Variants in CADM1 observed in about 807,000 individuals in gnomAD.
CADM1 encodes the protein TSLC-1.
Under a neutral mutation model 53.1 loss-of-function variants are expected in CADM1, and 15 were observed. The observed-to-expected ratio is 0.28, with a 90% CI of 0.19 to 0.44. The LOEUF (loss-of-function observed/expected upper bound fraction) is 0.44, where lower values mean the gene tolerates loss of function less well. Among genes scored for constraint, CADM1 ranks in the 20% least tolerant of loss-of-function variants. The probability of loss-of-function intolerance (pLI) is 1.00; values close to 1 mark genes in which losing one functional copy is unlikely to be tolerated. For missense variants in CADM1, 434 were observed against 611.3 expected, an observed-to-expected ratio of 0.71 and a Z score of 3.06; for synonymous variants, 281 against 243.0, an observed-to-expected ratio of 1.16 and a Z score of -1.45.
chr11:115,489,495 G>A (rs1169547657), intron 1 of CADM1, among the ~76,000 whole-genome samples: 1 of 152,214 alleles, frequency 6.6e-6, no homozygotes, highest in Non-Finnish European at 1.5e-5. Context: ...TCATGAAATG[G>A]TTAGAGAAGT....
At chr11:115,474,290 CAAAAAAAA>C (rs60168853) in intron 1 of CADM1, among the ~76,000 whole-genome samples, 1 of 20,212 alleles carries the variant, frequency 4.9e-5, no homozygotes, top group Non-Finnish European at 9.4e-5. Context: ...GACTCCATCT[CAAAAAAAA>C]AAAAAAAAAA....
intron 8 of CADM1, among the ~76,000 whole-genome samples, chr11:115,206,910 A>G (rs1420635681): frequency 1.3e-5 from 2 of 151,600 alleles, no homozygotes; most frequent in African/African-American, 4.8e-5. Flanking sequence ...TTAGCTATCC[A>G]TTTGTCAGGA....
chr11:115,395,276 T>C (rs544275546), intron 1 of CADM1, among the ~76,000 whole-genome samples: 44 of 152,288 alleles, frequency 2.9e-4, no homozygotes, highest in African/African-American at 1.0e-3. Flanking sequence ...CAAATTCTTC[T>C]ACCTTCTTTC....
intron 1 of CADM1, among the ~76,000 whole-genome samples, chr11:115,341,528 T>G (rs933638045): frequency 3.3e-5 from 5 of 152,212 alleles, no homozygotes; most frequent in African/African-American, 7.2e-5. Flanking sequence ...ATTCTTTGTT[T>G]TGCAATTTTC....
At chr11:115,485,299 C>G (rs372910804) in intron 1 of CADM1, among the ~76,000 whole-genome samples, 1 of 152,166 alleles carries the variant, frequency 6.6e-6, no homozygotes. Context: ...TCTGCAGCAC[C>G]CCTTAAGGAT....
intron 1 of CADM1, among the ~76,000 whole-genome samples, chr11:115,251,807 G>A (rs1027638367): frequency 2.0e-5 from 3 of 152,290 alleles, no homozygotes; most frequent in East Asian, 1.9e-4. Flanking sequence ...CTGGGAAGAC[G>A]TATAATAGAG....
At chr11:115,208,371 CTCTT>C (rs1940796487) in intron 8 of CADM1, among the ~76,000 whole-genome samples, 1 of 152,176 alleles carries the variant, frequency 6.6e-6, no homozygotes, top group Non-Finnish European at 1.5e-5. Context: ...ATGAGGCCTC[CTCTT>C]TCTTTGAACA....
chr11:115,371,284 A>T (rs1293612487), intron 1 of CADM1, among the ~76,000 whole-genome samples: 3 of 152,212 alleles, frequency 2.0e-5, no homozygotes, highest in African/African-American at 7.2e-5. Flanking sequence ...GACAAAAGTA[A>T]CAGAAAGGCT....
chr11:115,394,920 A>G (rs948223255), intron 1 of CADM1, among the ~76,000 whole-genome samples: 1 of 152,196 alleles, frequency 6.6e-6, no homozygotes, highest in Admixed American at 6.5e-5. Context: ...AAAGAAAGGG[A>G]AAAATTCGTG....
At position 115,178,760 on chromosome 11, in the gene CADM1, T is replaced by C; in HGVS notation, c.1181A>G (p.Glu394Gly). The change falls in exon 11 of 12, where the codon GAA (glutamate) becomes GGA (glycine). Residue 394 changes from glutamate (E) to glycine (G), a missense_variant. By Grantham distance (98) the Glu-to-Gly change is moderately conservative. Transcript: ENST00000331581. ...ATCCACTGCCCTGATCGAGCCTTCT[T>C]CACCTGCTCGGGAATCTGTTAAAAT... is the stretch of plus-strand genomic sequence containing the variant. ...SEDLSDSRAGEEGSIRAVDHA... is the reference protein window; with the variant it reads ...SEDLSDSRAGGEGSIRAVDHA... 1.9e-6 allele frequency: 3 copies of C among 1,614,014 alleles called. No individual in the cohort carries two copies. In the South Asian group the frequency reaches 3.3e-5, roughly 18 times the overall value.
At chr11:115,432,670 C>G (rs757146499) in intron 1 of CADM1, among the ~76,000 whole-genome samples, 4 of 152,188 alleles carry the variant, frequency 2.6e-5, no homozygotes, top group Non-Finnish European at 5.9e-5. Flanking sequence ...AAACTTCCTG[C>G]ACGGTTGTTA....
At chr11:115,187,085 T>C (rs1453194909) in intron 10 of CADM1, among the ~76,000 whole-genome samples, 1 of 152,208 alleles carries the variant, frequency 6.6e-6, no homozygotes, top group East Asian at 1.9e-4. Flanking sequence ...ATGATACAGA[T>C]ACAAGCCATA....
intron 1 of CADM1, among the ~76,000 whole-genome samples, chr11:115,486,853 A>T (rs1235344155): frequency 6.9e-6 from 1 of 145,958 alleles, no homozygotes; most frequent in African/African-American, 2.5e-5. Context: ...TTTAAATGGA[A>T]AGCCTTCTAG....
intron 1 of CADM1, among the ~76,000 whole-genome samples, chr11:115,472,828 TG>T (rs1949045570): frequency 6.6e-6 from 1 of 152,168 alleles, no homozygotes; most frequent in African/African-American, 2.4e-5. Flanking sequence ...TATTATACCT[TG>T]TTAAAGATAT....
chr11:115,243,123 A>G (rs1942298356), intron 1 of CADM1, among the ~76,000 whole-genome samples: 1 of 152,210 alleles, frequency 6.6e-6, no homozygotes, highest in Non-Finnish European at 1.5e-5. Context: ...ATAAGGCCAG[A>G]CTATTTTAAT....
intron 1 of CADM1, among the ~76,000 whole-genome samples, chr11:115,336,608 T>A (rs751976946): frequency 6.6e-6 from 1 of 152,102 alleles, no homozygotes; most frequent in Non-Finnish European, 1.5e-5. Context: ...CTGAAAAAAA[T>A]TTAATTAATC....
Position 115,284,114 on chromosome 11 carries a change from C to CTCTCTCTCTCTCTCTGTGTG in CADM1, c.125-43695_125-43694insCACACAGAGAGAGAGAGAGA, listed in dbSNP as rs1351842329. On this transcript the variant is annotated intron_variant, in intron 1 of 11. Transcript: ENST00000331581. ...TCTCTCTCTCTCTCTCTCTCTCTCT[C>CTCTCTCTCTCTCTCTGTGTG]TGTGTGTGTGTGTGTGTGTGTGTGT... Among the ~76,000 whole-genome samples the CTCTCTCTCTCTCTCTGTGTG allele has an allele frequency of 2.0e-3, 194 of 98,636 alleles. 1 individual carries two copies. Among genetic ancestry groups the CTCTCTCTCTCTCTCTGTGTG allele is most frequent in the Non-Finnish European group, 3.4e-3 (163 of 47,274 alleles). The allele number at this position is 98,636 out of a possible 152,430, so 64.7% of individuals were successfully genotyped here.
chr11:115,415,114 A>G (rs547424571), intron 1 of CADM1, among the ~76,000 whole-genome samples: 2 of 152,340 alleles, frequency 1.3e-5, no homozygotes, highest in African/African-American at 4.8e-5. Context: ...CAGTTAAAAT[A>G]TGGAGTGGTT....
chr11:115,312,074 C>T (rs1944546081), intron 1 of CADM1, among the ~76,000 whole-genome samples: 1 of 152,120 alleles, frequency 6.6e-6, no homozygotes, highest in African/African-American at 2.4e-5. Context: ...ACAAGAAGCT[C>T]ACAGTCTGGT....
Sources: gnomAD v4.1 joint callset for allele counts (sites outside exome capture counted in the v4.1 genomes callset) on GRCh38, gnomAD v4.1.1 for gene constraint, MANE v1.5 for transcripts, NCBI Gene and HGNC (gene_info 2026-07-23, HGNC 2026-07-21) for gene names.